The following AXIN1 variants were observed in gnomAD, a reference collection of about 807,000 sequenced individuals.
AXIN1 encodes axin-1.
A neutral mutation model predicts 76.4 loss-of-function variants in AXIN1; 30 were observed. That is an observed-to-expected ratio of 0.39 (90% CI 0.29 to 0.53). The LOEUF (loss-of-function observed/expected upper bound fraction) is 0.53. Ranked by LOEUF, AXIN1 falls within the 20% of genes least tolerant of loss-of-function variation. The pLI is 0.66. For synonymous variants in AXIN1, 545 were observed against 501.4 expected (o/e 1.09, Z -1.16); for missense variants, 1,140 against 1,198.8 (o/e 0.95, Z 0.72).
In AXIN1 at chr16:324,763, A is replaced by T. The variant is rs556377614; in HGVS notation, c.879-10080T>A. Among the ~76,000 whole-genome samples, 4 of 151,652 alleles carry T rather than the reference A, an allele frequency of 2.6e-5. No homozygotes were observed. In the South Asian group the frequency reaches 8.4e-4, roughly 32 times the overall value. On this transcript the variant is annotated intron_variant, in intron 2 of 10. Coordinates refer to ENST00000262320, the MANE Select transcript of AXIN1 (RefSeq NM_003502.4). ...AGTGCCATCAGCGACCTGCATCCCG[A>T]CCCCCCGGAACAGCACAGCCAGCAG...
At position 350,308 on chromosome 16, in the gene AXIN1, C is replaced by A. The variant is rs530634275; in HGVS notation, c.-82+2061G>T. 1.4e-4 allele frequency among the ~76,000 whole-genome samples: 22 copies of A among 152,276 alleles called. No homozygotes were observed. In the East Asian group the frequency reaches 3.9e-3, roughly 27 times the overall value. On this transcript the variant is annotated intron_variant, in intron 1 of 10. Transcript: ENST00000262320. ...GCACACCAAGCATTTAGTGTACACA[C>A]AAGTACACACCACACATAAAGCAGT...
chr16:291,026 C>A, intron 9 of AXIN1, 164 bp downstream of exon 9: 1 of 699,650 alleles, frequency 1.4e-6, no homozygotes, highest in South Asian at 1.6e-5. Flanking sequence ...AGAAGGCTCT[C>A]GGGCAGCTTC....
intron 2 of AXIN1, among the ~76,000 whole-genome samples, chr16:323,208 C>G (rs9935236): frequency 0.02 from 3,010 of 148,630 alleles, 106 homozygotes; most frequent in African/African-American, 0.07. Flanking sequence ...GGGAGGCCAA[C>G]GCAGGCATAT....
chr16:304,264 G>C (rs372925490), intron 5 of AXIN1, 40 bp downstream of exon 5: 2 of 1,600,768 alleles, frequency 1.2e-6, no homozygotes, highest in Non-Finnish European at 1.7e-6. Flanking sequence ...AAAACAGCAC[G>C]ACACCGACGC....
At chr16:306,591 G>A (rs1052463855) in intron 4 of AXIN1, among the ~76,000 whole-genome samples, 10 of 152,224 alleles carry the variant, frequency 6.6e-5, no homozygotes, top group East Asian at 5.8e-4. Flanking sequence ...AGAAGGATGG[G>A]GTGAGACTGG....
intron 3 of AXIN1, among the ~76,000 whole-genome samples, chr16:313,103 G>A (rs1176148795): frequency 2.6e-5 from 4 of 152,152 alleles, no homozygotes; most frequent in East Asian, 1.9e-4. Flanking sequence ...TTTGAGCCTC[G>A]GAGTTCGAGA....
intron 2 of AXIN1, among the ~76,000 whole-genome samples, chr16:338,981 AG>A (rs2053860755): frequency 1.1e-5 from 1 of 93,552 alleles, no homozygotes; most frequent in Non-Finnish European, 2.2e-5. Flanking sequence ...AGTCCAGCAG[AG>A]CACCAGCAGA....
At chr16:341,267 G>A (rs2053912880) in intron 2 of AXIN1, among the ~76,000 whole-genome samples, 1 of 152,258 alleles carries the variant, frequency 6.6e-6, no homozygotes, top group African/African-American at 2.4e-5. Flanking sequence ...GGTGTGGAGG[G>A]AGAGGCGCGA....
intron 2 of AXIN1, among the ~76,000 whole-genome samples, chr16:323,313 C>T (rs1411667851): frequency 6.6e-6 from 1 of 151,282 alleles, no homozygotes; most frequent in African/African-American, 2.4e-5. Flanking sequence ...GTGGCGGGCA[C>T]CTGTAGTCCC....
intron 3 of AXIN1, among the ~76,000 whole-genome samples, chr16:310,982 C>A (rs1254917090): frequency 2.6e-5 from 4 of 152,260 alleles, no homozygotes; most frequent in Admixed American, 1.3e-4. Flanking sequence ...GCTGGCAGGG[C>A]AGTGTGGTCT....
chr16:313,856 A>G (rs1281009514), intron 3 of AXIN1, among the ~76,000 whole-genome samples: 2 of 152,244 alleles, frequency 1.3e-5, no homozygotes, highest in Non-Finnish European at 2.9e-5. Flanking sequence ...TCCCTGGACA[A>G]TGAAAGAATA....
chr16:302,431 C>T (rs533246519), intron 5 of AXIN1, among the ~76,000 whole-genome samples: 5 of 152,272 alleles, frequency 3.3e-5, no homozygotes, highest in African/African-American at 1.2e-4. Context: ...AAATCGACGT[C>T]TGTGTGTGAG....
At chr16:310,855 G>C (rs1597036432) in intron 3 of AXIN1, among the ~76,000 whole-genome samples, 1 of 152,204 alleles carries the variant, frequency 6.6e-6, no homozygotes. Flanking sequence ...CTGCCTTGGA[G>C]GGCATTGCTA....
At chr16:304,902 C>G (rs1222459784) in intron 4 of AXIN1, among the ~76,000 whole-genome samples, 1 of 152,196 alleles carries the variant, frequency 6.6e-6, no homozygotes, top group African/African-American at 2.4e-5. Flanking sequence ...TCCTCACGGT[C>G]CCCCTTTTCG....
chr16:289,632 T>C, intron 9 of AXIN1, 25 bp from the exon 10 acceptor site: 1 of 1,611,884 alleles, frequency 6.2e-7, no homozygotes, highest in Non-Finnish European at 8.5e-7. Flanking sequence ...GCAGCGGTGG[T>C]ACCTGGTTTT....
intron 2 of AXIN1, among the ~76,000 whole-genome samples, chr16:323,556 TG>T (rs749123177): frequency 8.1e-5 from 12 of 148,372 alleles, no homozygotes; most frequent in Non-Finnish European, 1.6e-4. Context: ...CCGAGGCGGG[TG>T]GATCACAAGG....
intron 2 of AXIN1, among the ~76,000 whole-genome samples, chr16:331,590 C>T (rs9923059): frequency 6.6e-6 from 1 of 151,046 alleles, no homozygotes; most frequent in African/African-American, 2.5e-5. Context: ...GAGAATCTAT[C>T]AAACACTCCT....
chr16:327,117 G>A (rs756303020), intron 2 of AXIN1, among the ~76,000 whole-genome samples: 36 of 151,768 alleles, frequency 2.4e-4, no homozygotes, highest in Non-Finnish European at 3.8e-4. Context: ...ACTCCAACCT[G>A]GGCGACAGAG....
chr16:299,173 G>C, intron 5 of AXIN1: 1 of 985,456 alleles, frequency 1.0e-6, no homozygotes, highest in Non-Finnish European at 1.2e-6. Context: ...AGTTTCACTT[G>C]ATTCTCCAAG....
Sources: gnomAD v4.1 joint callset for allele counts (sites outside exome capture counted in the v4.1 genomes callset) on GRCh38, gnomAD v4.1.1 for gene constraint, MANE v1.5 for transcripts, NCBI Gene and HGNC (gene_info 2026-07-23, HGNC 2026-07-21) for gene names.